Variants in NMRAL1 observed in about 807,000 individuals in gnomAD.
The protein encoded by NMRAL1 is NmrA like redox sensor 1.
A neutral mutation model predicts 27.5 loss-of-function variants in NMRAL1; 32 were observed. The ratio of observed to expected loss-of-function variants is 1.16; its 90% CI spans 0.88 to 1.56. The LOEUF (loss-of-function observed/expected upper bound fraction) is 1.56. Ranked by LOEUF, NMRAL1 falls within the 40% of genes most tolerant of loss-of-function variation. The pLI is 0.00. For synonymous variants in NMRAL1, 166 were observed against 166.8 expected, an observed-to-expected ratio of 1.00 and a Z score of 0.04; for missense variants, 420 against 392.0, an observed-to-expected ratio of 1.07 and a Z score of -0.60.
intron 2 of NMRAL1, among the ~76,000 whole-genome samples, chr16:4,473,383 T>C (rs1567365990): frequency 2.0e-5 from 3 of 152,158 alleles, no homozygotes. Flanking sequence ...AGGTAGATTG[T>C]ATAGTACGTG....
chr16:4,474,438 T>A, intron 1 of NMRAL1, 116 bp downstream of exon 1: 1 of 397,854 alleles, frequency 2.5e-6, no homozygotes. Flanking sequence ...CGCCGCGGCC[T>A]GGGCGGGACA....
chr16:4,463,777 C>G lies in NMRAL1; in HGVS notation c.603G>C (p.Leu201Phe). The G allele has an allele frequency of 6.2e-7, 1 of 1,614,148 alleles. No homozygotes were observed. Among genetic ancestry groups the G allele is most frequent in the Non-Finnish European group, 8.5e-7 (1 of 1,180,042 alleles). The change falls in exon 5 of 6, where the codon TTG becomes TTC. Residue 201 changes from leucine to phenylalanine, a missense_variant. Leu to Phe is a conservative substitution (Grantham distance 22). Coordinates refer to ENST00000283429, the MANE Select transcript of NMRAL1 (RefSeq NM_020677.6). ...GGCCGACGTATTTTTCTGGCATCTT[C>G]AAAAGGCTGAGCACCACAGGACCCA... is the stretch of plus-strand genomic sequence containing the variant. ...SDLGPVVLSL[L>F]KMPEKYVGQN...
chr16:4,469,369 TC>T lies in NMRAL1; in HGVS notation c.136del (p.Glu46SerfsTer2). The T allele has an allele frequency of 6.2e-7, 1 of 1,614,088 alleles. No individual in the cohort carries two copies. The highest frequency in any genetic ancestry group is 8.5e-7 in the Non-Finnish European group (1 of 1,179,920). ...TACTTCTGCACCTTGCAGCCTCAGC[TC>T]CTTTGCTGCCTTCTTCCTAGGGTTT... ...TRNPRKKAAKELRLQGAEVVQ... is the reference protein window; with the variant it reads ...TRNPRKKAAKXLRLQGAEVVQ... On this transcript the variant is annotated frameshift_variant, in exon 3 of 6. Transcript: ENST00000283429. LOFTEE classifies it high-confidence loss of function.
intron 2 of NMRAL1, chr16:4,471,548 G>C (rs1416844519): frequency 6.6e-6 from 1 of 151,284 alleles, no homozygotes; most frequent in South Asian, 2.1e-4. Context: ...GAACCCAGGA[G>C]GTTGAGGCTG....
chr16:4,469,554 C>G, intron 2 of NMRAL1, 89 bp from the exon 3 acceptor site: 1 of 1,567,886 alleles, frequency 6.4e-7, no homozygotes, highest in Non-Finnish European at 8.7e-7. Flanking sequence ...TCCACCACAG[C>G]AAGGAGCATC....
At chr16:4,470,902 G>A (rs974329584) in intron 2 of NMRAL1, among the ~76,000 whole-genome samples, 7 of 150,976 alleles carry the variant, frequency 4.6e-5, no homozygotes, top group South Asian at 2.1e-4. Context: ...AGCCGAGATC[G>A]CGCCACTGCA....
chr16:4,462,850 G>A (rs1269731255), intron 5 of NMRAL1, among the ~76,000 whole-genome samples: 1 of 151,154 alleles, frequency 6.6e-6, no homozygotes. Context: ...GGACTCCAGT[G>A]TTTCCCAGAT....
Position 4,469,212 on chromosome 16 carries a change from C to A in NMRAL1, c.279+15G>T, listed in dbSNP as rs530859333. The A allele has an allele frequency of 6.3e-7, 1 of 1,594,790 alleles. No individual in the cohort carries two copies. Among genetic ancestry groups the A allele is most frequent in the Middle Eastern group, 1.7e-4 (1 of 6,020 alleles). ...AGCCTGGCCGGGCCTCCCTGCAGCTCCTGCCTGCCCTCACCTGCTTGACCT... is the reference window on the plus strand; with the variant it reads ...AGCCTGGCCGGGCCTCCCTGCAGCTACTGCCTGCCCTCACCTGCTTGACCT... On this transcript the variant is annotated intron_variant, in intron 3 of 5. Coordinates refer to ENST00000283429, the MANE Select transcript of NMRAL1 (RefSeq NM_020677.6).
chr16:4,470,106 G>C (rs1057401555), intron 2 of NMRAL1, among the ~76,000 whole-genome samples: 1 of 144,414 alleles, frequency 6.9e-6, no homozygotes, highest in African/African-American at 2.5e-5. Flanking sequence ...AGGTTGCAGT[G>C]AGCCCAGATC....
intron 2 of NMRAL1, among the ~76,000 whole-genome samples, chr16:4,470,019 G>A (rs1189251152): frequency 1.3e-5 from 2 of 151,036 alleles, no homozygotes; most frequent in Non-Finnish European, 3.0e-5. Flanking sequence ...AAACTTAGCC[G>A]GGCGTGGTGG....
At chr16:4,470,362 C>G (rs1017902746) in intron 2 of NMRAL1, among the ~76,000 whole-genome samples, 1 of 151,448 alleles carries the variant, frequency 6.6e-6, no homozygotes, top group African/African-American at 2.4e-5. Flanking sequence ...CCCAGCTACT[C>G]GAGAGGCTGA....
At chr16:4,466,744 C>T in intron 3 of NMRAL1, 1 of 299,492 alleles carries the variant, frequency 3.3e-6, no homozygotes, top group South Asian at 3.8e-5. Flanking sequence ...GCCCATGGAG[C>T]TCAGCCATCT....
chr16:4,468,982 A>AC (rs2141444984), intron 3 of NMRAL1, among the ~76,000 whole-genome samples: 1 of 151,984 alleles, frequency 6.6e-6, no homozygotes, highest in African/African-American at 2.4e-5. Context: ...TTAAAAAAAA[A>AC]AAAAACAAAC....
intron 4 of NMRAL1, among the ~76,000 whole-genome samples, chr16:4,464,516 A>G (rs2057238916): frequency 6.7e-6 from 1 of 149,432 alleles, no homozygotes; most frequent in African/African-American, 2.5e-5. Context: ...CTCCTTACCT[A>G]GAGACAGGGG....
At chr16:4,471,713 T>A (rs2057573766) in intron 2 of NMRAL1, among the ~76,000 whole-genome samples, 1 of 152,068 alleles carries the variant, frequency 6.6e-6, no homozygotes, top group African/African-American at 2.4e-5. Context: ...CTAGCTAATG[T>A]TATGCATGCT....
intron 4 of NMRAL1, among the ~76,000 whole-genome samples, chr16:4,464,611 GT>G (rs775753695): frequency 0.047 from 6,216 of 133,016 alleles, 150 homozygotes; most frequent in African/African-American, 0.12. Context: ...CTGACTGCAG[GT>G]TTTTTTTTTT....
chr16:4,471,619 CAAA>C (rs997725293), intron 2 of NMRAL1, among the ~76,000 whole-genome samples: 6 of 58,520 alleles, frequency 1.0e-4, no homozygotes, highest in Admixed American at 2.0e-4. Context: ...GCCCTGTCTC[CAAA>C]AAAAAAAAAA....
At chr16:4,468,300 C>G (rs940918972) in intron 3 of NMRAL1, among the ~76,000 whole-genome samples, 3 of 150,550 alleles carry the variant, frequency 2.0e-5, no homozygotes, top group Non-Finnish European at 4.4e-5. Context: ...GAAACTCGGC[C>G]TCAAAAAATA....
chr16:4,464,895 C>T (rs890347717), intron 4 of NMRAL1, among the ~76,000 whole-genome samples: 2 of 151,168 alleles, frequency 1.3e-5, no homozygotes, highest in African/African-American at 2.4e-5. Flanking sequence ...GGATTACAGG[C>T]GTAAGCCACC....
Sources: gnomAD v4.1 joint callset for allele counts (sites outside exome capture counted in the v4.1 genomes callset) on GRCh38, gnomAD v4.1.1 for gene constraint, MANE v1.5 for transcripts, NCBI Gene and HGNC (gene_info 2026-07-23, HGNC 2026-07-21) for gene names.